Variants in MTF2 observed in about 807,000 individuals in gnomAD.
The protein encoded by MTF2 is metal response element binding transcription factor 2, also known as metal-response element-binding transcription factor 2.
Under a neutral mutation model 79.5 loss-of-function variants are expected in MTF2, and 11 were observed. That is an observed-to-expected ratio of 0.14 (90% CI 0.09 to 0.23). The LOEUF (loss-of-function observed/expected upper bound fraction) is 0.23, where lower values mean the gene tolerates loss of function less well. Ranked by LOEUF, MTF2 falls within the 10% of genes least tolerant of loss-of-function variation. The pLI, the probability that MTF2 is intolerant of heterozygous loss-of-function variation, is 1.00. For synonymous variants in MTF2, 208 were observed against 232.8 expected (o/e 0.89, Z 0.97); for missense variants, 486 against 711.2 (o/e 0.68, Z 3.60).
rs1654737275 is a variant in MTF2 at position 93,084,162 on chromosome 1, TA to T, written c.5+4632del. Reference sequence around the variant, plus strand: ...CGTCATCTATTTTGAGTCAATTTTTTATATATGGTGTGAGGTAGGGGTCCAA... The same window carrying T: ...CGTCATCTATTTTGAGTCAATTTTTTTATATGGTGTGAGGTAGGGGTCCAA... On this transcript the variant is annotated intron_variant, in intron 1 of 14. Coordinates refer to ENST00000370298, the MANE Select transcript of MTF2 (RefSeq NM_007358.4). Among the ~76,000 whole-genome samples the T allele has an allele frequency of 2.0e-5, 3 of 152,202 alleles. No homozygotes were observed. The South Asian group carries it at 6.2e-4, about 31-fold the overall frequency.
chr1:93,129,971 A>G (rs1656852759), intron 11 of MTF2, among the ~76,000 whole-genome samples: 1 of 152,200 alleles, frequency 6.6e-6, no homozygotes, highest in Non-Finnish European at 1.5e-5. Flanking sequence ...TTGTACTTTA[A>G]CAATGTGGCT....
intron 1 of MTF2, among the ~76,000 whole-genome samples, chr1:93,107,177 AAC>A (rs1043636651): frequency 3.9e-5 from 6 of 152,136 alleles, no homozygotes; most frequent in African/African-American, 1.4e-4. Context: ...AAAAAATATA[AAC>A]ACACACACGT....
chr1:93,127,568 T>G (rs924563031), intron 10 of MTF2, among the ~76,000 whole-genome samples: 1 of 152,122 alleles, frequency 6.6e-6, no homozygotes, highest in Non-Finnish European at 1.5e-5. Context: ...AAAAGCATAT[T>G]CAGTAATAAC....
At chr1:93,105,613 T>G (rs1655742845) in intron 1 of MTF2, among the ~76,000 whole-genome samples, 1 of 152,200 alleles carries the variant, frequency 6.6e-6, no homozygotes, top group Non-Finnish European at 1.5e-5. Flanking sequence ...GCACAGTATG[T>G]GGCTCATAAT....
intron 1 of MTF2, among the ~76,000 whole-genome samples, chr1:93,083,922 G>A (rs1205017196): frequency 6.6e-6 from 1 of 152,078 alleles, no homozygotes; most frequent in Non-Finnish European, 1.5e-5. Flanking sequence ...AAATGGGACT[G>A]TCTTTTTATT....
At chr1:93,131,369 G>T (rs1272438948) in intron 11 of MTF2, among the ~76,000 whole-genome samples, 2 of 152,168 alleles carry the variant, frequency 1.3e-5, no homozygotes, top group Non-Finnish European at 2.9e-5. Flanking sequence ...TTTGTTATTA[G>T]TGACCTTGAT....
Position 93,110,226 on chromosome 1 carries a change from AC to A in MTF2, c.6-3del. The A allele has an allele frequency of 6.2e-7, 1 of 1,613,628 alleles. No individual in the cohort carries two copies. The highest frequency in any genetic ancestry group is 8.5e-7 in the Non-Finnish European group (1 of 1,179,526). Reference sequence around the variant, plus strand: ...TTATGTATGGTCTTTTATTCTCTAAACAGAGACTCTACAGGGGCAGGTAATT... The same window carrying A: ...TTATGTATGGTCTTTTATTCTCTAAAAGAGACTCTACAGGGGCAGGTAATT... On this transcript the variant is annotated splice_region_variant and splice_polypyrimidine_tract_variant and intron_variant, in intron 1 of 14. Transcript: ENST00000370298.
At position 93,139,070 on chromosome 1, in the gene MTF2, T is replaced by G. The variant is rs1350235208; in HGVS notation, c.*2043T>G. The G allele has an allele frequency of 6.6e-6, 1 of 152,266 alleles. No individual in the cohort carries two copies. The allele number at this position is 152,266 out of a possible 1,614,324, so 9.4% of individuals were successfully genotyped here. On this transcript the variant is annotated 3_prime_UTR_variant, in exon 15 of 15. Coordinates refer to ENST00000370298, the MANE Select transcript of MTF2 (RefSeq NM_007358.4). The stretch of plus-strand genomic sequence containing the variant: ...GACCAACATTAAATGTGTGTATTTT[T>G]TAAAGAGCTAATGAGTTTTGCTTCT...
Position 93,136,874 on chromosome 1 carries a change from A to C in MTF2, c.1629A>C (p.Leu543Phe). The C allele has an allele frequency of 2.5e-6, 4 of 1,614,226 alleles. No homozygotes were observed. The highest frequency in any genetic ancestry group is 3.4e-6 in the Non-Finnish European group (4 of 1,180,022). ...TGAATAACTTAGCAGATCAGGAGTT[A>C]CAACTCAATCATCTAAAGAACTCCA... ...EILNNLADQE[L>F]QLNHLKNSIT... The change falls in exon 15 of 15, where the codon TTA (leucine) becomes TTC (phenylalanine). Residue 543 changes from leucine (L) to phenylalanine (F), a missense_variant. Around this residue, in one of 4 missense-constraint regions of MTF2, gnomAD observed 209 missense variants for 206.5 expected, o/e 1.01. Coordinates refer to ENST00000370298, the MANE Select transcript of MTF2 (RefSeq NM_007358.4).
chr1:93,118,720 A>G (rs1301571238), intron 7 of MTF2, among the ~76,000 whole-genome samples: 1 of 152,186 alleles, frequency 6.6e-6, no homozygotes, highest in Non-Finnish European at 1.5e-5. Flanking sequence ...AAGAACCTCA[A>G]AGGGATAGTA....
chr1:93,119,328 C>A lies in MTF2; in HGVS notation c.729-5C>A, dbSNP rs75449515. The A allele has an allele frequency of 3.2e-5, 35 of 1,103,600 alleles. No homozygotes were observed. Among genetic ancestry groups the A allele is most frequent in the Non-Finnish European group, 3.7e-5 (32 of 853,428 alleles). 68.4% of individuals were successfully genotyped at this position (1,103,600 alleles called of 1,614,324 possible). Reference sequence around the variant, plus strand: ...AAAACTTTTTCTTTTTTTTTTTTTTCTTAGATTTTATACGTTTATATGCTC... The same window carrying A: ...AAAACTTTTTCTTTTTTTTTTTTTTATTAGATTTTATACGTTTATATGCTC... On this transcript the variant is annotated splice_region_variant and splice_polypyrimidine_tract_variant and intron_variant, in intron 7 of 14. Transcript: ENST00000370298.
chr1:93,111,919 C>T (rs1656043958), intron 3 of MTF2, among the ~76,000 whole-genome samples: 1 of 152,112 alleles, frequency 6.6e-6, no homozygotes, highest in Non-Finnish European at 1.5e-5. Flanking sequence ...TTTCTTTCAG[C>T]TTTTGAAGAT....
At chr1:93,130,260 G>T (rs1009211970) in intron 11 of MTF2, among the ~76,000 whole-genome samples, 1 of 152,094 alleles carries the variant, frequency 6.6e-6, no homozygotes, top group Non-Finnish European at 1.5e-5. Flanking sequence ...TAATGGGGAG[G>T]CATGTAAGGG....
At chr1:93,110,068 A>G (rs1655967898) in intron 1 of MTF2, among the ~76,000 whole-genome samples, 162 bp from the exon 2 acceptor site, 2 of 152,044 alleles carry the variant, frequency 1.3e-5, no homozygotes, top group Admixed American at 6.6e-5. Flanking sequence ...TTTGTTTTAA[A>G]CTGCTTTGTT....
intron 1 of MTF2, among the ~76,000 whole-genome samples, chr1:93,101,119 A>G (rs1655511063): frequency 6.6e-6 from 1 of 152,194 alleles, no homozygotes; most frequent in Admixed American, 6.5e-5. Flanking sequence ...TCCCTAAACC[A>G]CACTATTTCT....
At chr1:93,134,724 A>G (rs190885925) in intron 14 of MTF2, among the ~76,000 whole-genome samples, 2 of 151,434 alleles carry the variant, frequency 1.3e-5, no homozygotes, top group Admixed American at 6.6e-5. Context: ...TGGTTTTGCT[A>G]ATTTGCCCAG....
intron 14 of MTF2, among the ~76,000 whole-genome samples, chr1:93,136,142 G>C (rs1196958088): frequency 1.3e-5 from 2 of 152,148 alleles, no homozygotes; most frequent in East Asian, 1.9e-4. Flanking sequence ...AATAGAGTTA[G>C]GGATAGACCC....
At chr1:93,130,208 G>A (rs1656862558) in intron 11 of MTF2, among the ~76,000 whole-genome samples, 1 of 152,140 alleles carries the variant, frequency 6.6e-6, no homozygotes, top group South Asian at 2.1e-4. Flanking sequence ...CCTGTGTAGG[G>A]TCTTGTAGGT....
intron 1 of MTF2, among the ~76,000 whole-genome samples, chr1:93,085,926 C>A (rs1391719108): frequency 6.6e-6 from 1 of 152,144 alleles, no homozygotes; most frequent in African/African-American, 2.4e-5. Context: ...ATACATAAAC[C>A]AGTAACACAG....
Sources: allele counts gnomAD v4.1 joint callset (sites outside exome capture counted in the v4.1 genomes callset), GRCh38; gene constraint gnomAD v4.1.1; regional missense constraint gnomAD v4.1.1; transcripts MANE v1.5; gene names NCBI Gene and HGNC (gene_info 2026-07-23, HGNC 2026-07-21).